DLC1: variants seen among roughly 807,000 people sequenced by gnomAD.
The protein encoded by DLC1 is DLC1 Rho GTPase activating protein.
DLC1 carries 54 observed loss-of-function variants against 140.3 expected under a neutral mutation model. The ratio of observed to expected loss-of-function variants is 0.38; its 90% CI spans 0.31 to 0.48. The LOEUF is 0.48. Ranked by LOEUF, DLC1 falls within the 20% of genes least tolerant of loss-of-function variation. DLC1 has a pLI of 0.96. For missense variants in DLC1, 2,536 were observed against 1,907.0 expected, an observed-to-expected ratio of 1.33 and a Z score of -6.14; for synonymous variants, 986 against 728.1, an observed-to-expected ratio of 1.35 and a Z score of -5.70.
intron 7 of DLC1, among the ~76,000 whole-genome samples, chr8:13,109,256 C>T (rs1819855667): frequency 6.6e-6 from 1 of 151,972 alleles, no homozygotes; most frequent in African/African-American, 2.4e-5. Context: ...GATGTTTTTC[C>T]AAGTTGAAAA....
At chr8:13,414,939 T>C (rs973983035) in intron 2 of DLC1, among the ~76,000 whole-genome samples, 5 of 151,996 alleles carry the variant, frequency 3.3e-5, no homozygotes, top group Non-Finnish European at 5.9e-5. Context: ...GCCTCCTGAG[T>C]AGCTGGGATT....
chr8:13,415,620 C>T (rs1402910991), intron 2 of DLC1, among the ~76,000 whole-genome samples: 2 of 151,972 alleles, frequency 1.3e-5, no homozygotes, highest in African/African-American at 2.4e-5. Flanking sequence ...AGGATGGTCT[C>T]GATCACCTGA....
chr8:13,545,432 C>T (rs946844230), intron 1 of DLC1, among the ~76,000 whole-genome samples: 4 of 151,864 alleles, frequency 2.6e-5, no homozygotes, highest in Admixed American at 6.6e-5. Flanking sequence ...TCATCTTTGC[C>T]GGCCAATATT....
chr8:13,445,222 T>G (rs1347888249), intron 2 of DLC1, among the ~76,000 whole-genome samples: 1 of 152,202 alleles, frequency 6.6e-6, no homozygotes, highest in Non-Finnish European at 1.5e-5. Context: ...TGTCTCAATT[T>G]CTGTTCAAAA....
chr8:13,595,244 AT>A (rs963037558), intron 1 of DLC1, among the ~76,000 whole-genome samples: 2 of 151,940 alleles, frequency 1.3e-5, no homozygotes, highest in Non-Finnish European at 2.9e-5. Context: ...AATCACAAGG[AT>A]TTTTTTTAGA....
At chr8:13,133,081 G>A in intron 5 of DLC1, 4 of 1,533,504 alleles carry the variant, frequency 2.6e-6, no homozygotes, top group Non-Finnish European at 3.5e-6. Context: ...CGAGACGCGC[G>A]CCCTCGCGGT....
intron 5 of DLC1, among the ~76,000 whole-genome samples, chr8:13,271,496 A>G (rs1830929087): frequency 6.6e-6 from 1 of 152,148 alleles, no homozygotes. Context: ...GTAAAAATCT[A>G]TTTTGCAAAA....
At chr8:13,385,015 T>C (rs1836454692) in intron 4 of DLC1, among the ~76,000 whole-genome samples, 1 of 152,132 alleles carries the variant, frequency 6.6e-6, no homozygotes, top group Non-Finnish European at 1.5e-5. Context: ...AAGAACATCT[T>C]ATAAAGAAGG....
intron 1 of DLC1, among the ~76,000 whole-genome samples, chr8:13,579,368 T>A (rs1439038201): frequency 5.2e-5 from 3 of 57,608 alleles, no homozygotes; most frequent in East Asian, 5.1e-4. Context: ...TATATTTTTA[T>A]ATAATACATA....
At chr8:13,435,949 G>A (rs931417909) in intron 2 of DLC1, among the ~76,000 whole-genome samples, 1 of 152,132 alleles carries the variant, frequency 6.6e-6, no homozygotes, top group Non-Finnish European at 1.5e-5. Context: ...ATCAAGGCAA[G>A]ACCCTCCACC....
chr8:13,437,047 C>G (rs1449483330), intron 2 of DLC1, among the ~76,000 whole-genome samples: 1 of 152,206 alleles, frequency 6.6e-6, no homozygotes, highest in Non-Finnish European at 1.5e-5. Context: ...AGTCATCTCT[C>G]AAATAGTTTC....
At chr8:13,531,259 C>T (rs906955738) in intron 1 of DLC1, among the ~76,000 whole-genome samples, 1 of 152,160 alleles carries the variant, frequency 6.6e-6, no homozygotes, top group Non-Finnish European at 1.5e-5. Context: ...CAGGCTACTA[C>T]AGCATTTTAC....
At chr8:13,389,880 G>C (rs887481976) in intron 4 of DLC1, among the ~76,000 whole-genome samples, 4 of 152,098 alleles carry the variant, frequency 2.6e-5, no homozygotes, top group Admixed American at 1.3e-4. Context: ...ACAGAGCAGA[G>C]GGTTAGTTCA....
chr8:13,319,577 C>G (rs1403860894), intron 4 of DLC1, among the ~76,000 whole-genome samples: 1 of 123,062 alleles, frequency 8.1e-6, no homozygotes, highest in Non-Finnish European at 1.8e-5. Flanking sequence ...CCCTCGCCCT[C>G]TTCCTCCAGC....
At chr8:13,385,398 G>A (rs1033993373) in intron 4 of DLC1, among the ~76,000 whole-genome samples, 2 of 152,058 alleles carry the variant, frequency 1.3e-5, no homozygotes, top group African/African-American at 4.8e-5. Context: ...ATACCAGCTG[G>A]CTAAAGTAGA....
intron 5 of DLC1, chr8:13,116,355 A>G (rs769953231): frequency 2.4e-5 from 11 of 455,026 alleles, no homozygotes; most frequent in Non-Finnish European, 2.9e-5. Flanking sequence ...CAACTGACAC[A>G]CTGTGTTAAA....
intron 1 of DLC1, among the ~76,000 whole-genome samples, chr8:13,553,818 T>A (rs1803949003): frequency 6.6e-6 from 1 of 152,168 alleles, no homozygotes; most frequent in South Asian, 2.1e-4. Flanking sequence ...TCCTCCGCAT[T>A]AAAAATTCTA....
At position 13,222,968 on chromosome 8, in the gene DLC1, G is replaced by C. The variant is rs191829099; in HGVS notation, c.1348+82301C>G. On this transcript the variant is annotated intron_variant, in intron 5 of 17. Transcript: ENST00000276297. The stretch of plus-strand genomic sequence containing the variant: ...GGGTCTTGGTATATTTCCCAGGCTA[G>C]TCTTGAACTCCTGGGCTCAAGGGAT... 1.1e-4 allele frequency among the ~76,000 whole-genome samples: 17 copies of C among 152,182 alleles called. No homozygotes were observed. The East Asian group carries it at 1.7e-3, about 16-fold the overall frequency.
At chr8:13,352,764 A>G (rs1427961628) in intron 4 of DLC1, among the ~76,000 whole-genome samples, 1 of 152,190 alleles carries the variant, frequency 6.6e-6, no homozygotes, top group Non-Finnish European at 1.5e-5. Context: ...TTGGAGAGGA[A>G]GAATCGTTAA....
Sources: allele counts gnomAD v4.1 joint callset (sites outside exome capture counted in the v4.1 genomes callset), GRCh38; gene constraint gnomAD v4.1.1; transcripts MANE v1.5; gene names NCBI Gene and HGNC (gene_info 2026-07-23, HGNC 2026-07-21).